Variants in ZBTB25 observed in about 807,000 individuals in gnomAD.
The protein encoded by ZBTB25 is zinc finger and BTB domain containing 25, also known as zinc finger and BTB domain-containing protein 25.
Under a neutral mutation model 34.2 loss-of-function variants are expected in ZBTB25, and 20 were observed. That is an observed-to-expected ratio of 0.58 (90% CI 0.41 to 0.85). The LOEUF is 0.85. ZBTB25 is among the 40% of genes least tolerant of loss of function. The pLI is 0.00. For missense variants in ZBTB25, 437 were observed against 521.8 expected, an observed-to-expected ratio of 0.84 and a Z score of 1.58; for synonymous variants, 175 against 186.4, an observed-to-expected ratio of 0.94 and a Z score of 0.50.
chr14:64,469,787 C>A, intron 2 of ZBTB25: 1 of 821,488 alleles, frequency 1.2e-6, no homozygotes, highest in Non-Finnish European at 1.9e-6. Flanking sequence ...ATCTCTAGAA[C>A]TTAAAAGGTA....
At chr14:64,449,224 C>T (rs748311213) in exon 3 of ZBTB25, 20 of 607,308 alleles carry the variant, frequency 3.3e-5, no homozygotes, top group Admixed American at 5.0e-5. Context: ...TGTGATTATT[C>T]GCGTATTACC....
chr14:64,461,163 GGC>G (rs1280706114), intron 2 of ZBTB25: 2 of 151,930 alleles, frequency 1.3e-5, no homozygotes, highest in Non-Finnish European at 2.9e-5. Context: ...GCATCCCACT[GGC>G]GCCAGTGCTA....
At chr14:64,454,766 CTT>C (rs761494970) in intron 2 of ZBTB25, 1 of 1,613,996 alleles carries the variant, frequency 6.2e-7, no homozygotes, top group Non-Finnish European at 8.5e-7. Context: ...ACACACTTGT[CTT>C]TGTCTCACAA....
Position 64,486,330 on chromosome 14 carries a change from A to G in ZBTB25, c.*593T>C. Reference sequence around the variant, plus strand: ...AAAAAAAAGAGGTATACTCAATGTTAAAAAGTAAAGAGAAGCCATGTAGGT... The same window carrying G: ...AAAAAAAAGAGGTATACTCAATGTTGAAAAGTAAAGAGAAGCCATGTAGGT... On this transcript the variant is annotated 3_prime_UTR_variant, in exon 3 of 3. Transcript: ENST00000608382. 1 of 985,368 alleles carries G rather than the reference A, an allele frequency of 1.0e-6. No homozygotes were observed. The highest frequency in any genetic ancestry group is 1.2e-6 in the Non-Finnish European group (1 of 829,860). The allele number at this position is 985,368 out of a possible 1,614,324, so 61.0% of individuals were successfully genotyped here. A position where few individuals can be genotyped will look rare whatever the true frequency, so the allele number is the denominator to read the frequency against.
At chr14:64,468,897 C>T in intron 2 of ZBTB25, 2 of 1,614,138 alleles carry the variant, frequency 1.2e-6, no homozygotes, top group South Asian at 1.1e-5. Context: ...ACACAGACCC[C>T]ATTGAATGAT....
chr14:64,477,864 T>C (rs182341733), downstream of ZBTB25, among the ~76,000 whole-genome samples: 17 of 152,356 alleles, frequency 1.1e-4, no homozygotes, highest in African/African-American at 3.6e-4. Context: ...CGGAACCTCC[T>C]GAAACTTGTT....
In ZBTB25 at chr14:64,485,110, C is replaced by T; in HGVS notation, c.*1813G>A. ...TATCCAGTAGCTTTCTTCATTCAAT[C>T]CTCAAGAAAAACTTACCACTTTGTA... On this transcript the variant is annotated 3_prime_UTR_variant, in exon 3 of 3. Coordinates refer to ENST00000608382, the MANE Select transcript of ZBTB25 (RefSeq NM_006977.5). 9 of 985,420 alleles carry T rather than the reference C, an allele frequency of 9.1e-6. No homozygotes were observed. The highest frequency in any genetic ancestry group is 1.1e-5 in the Non-Finnish European group (9 of 829,930). The allele number at this position is 985,420 out of a possible 1,614,324, so 61.0% of individuals were successfully genotyped here.
downstream of ZBTB25, among the ~76,000 whole-genome samples, chr14:64,477,477 C>A (rs1007157499): frequency 6.6e-6 from 1 of 152,170 alleles, no homozygotes; most frequent in African/African-American, 2.4e-5. Context: ...GCTCACACCA[C>A]CAGACAGCAC....
At chr14:64,496,946 C>A (rs1277165836) in intron 1 of ZBTB25, among the ~76,000 whole-genome samples, 2 of 152,082 alleles carry the variant, frequency 1.3e-5, no homozygotes, top group Non-Finnish European at 2.9e-5. Context: ...GCTGAGAAAC[C>A]ACAGGCTCAG....
intron 1 of ZBTB25, among the ~76,000 whole-genome samples, chr14:64,500,207 G>T (rs916735312): frequency 1.3e-5 from 2 of 152,052 alleles, no homozygotes; most frequent in African/African-American, 2.4e-5. Context: ...TACAGACCTA[G>T]AATACAGTAC....
At chr14:64,474,955 C>A (rs753146090), downstream of ZBTB25, among the ~76,000 whole-genome samples, 112 of 152,298 alleles carry the variant, frequency 7.4e-4, no homozygotes, top group Non-Finnish European at 1.4e-3. Flanking sequence ...AACACTCTAT[C>A]TTTTCGTAAC....
intron 2 of ZBTB25, chr14:64,463,261 TATG>T (rs1434043448): frequency 2.1e-5 from 2 of 93,424 alleles, no homozygotes; most frequent in Non-Finnish European, 5.1e-5. Context: ...CACACACACA[TATG>T]GCATTGAGTT....
chr14:64,459,181 C>G (rs2078523321), intron 2 of ZBTB25, among the ~76,000 whole-genome samples: 1 of 152,178 alleles, frequency 6.6e-6, no homozygotes, highest in African/African-American at 2.4e-5. Flanking sequence ...CCCCACATCT[C>G]TTCCTAAGAA....
At chr14:64,498,239 TTGA>T (rs2079347843) in intron 1 of ZBTB25, among the ~76,000 whole-genome samples, 2 of 152,192 alleles carry the variant, frequency 1.3e-5, no homozygotes, top group African/African-American at 2.4e-5. Flanking sequence ...CAGAGCTGTA[TTGA>T]TGTCTGAGTC....
chr14:64,479,419 G>C lies in ZBTB25; in HGVS notation c.*7504C>G, dbSNP rs919423846. 2.0e-5 allele frequency: 3 copies of C among 152,090 alleles called. No homozygotes were observed. Among genetic ancestry groups the C allele is most frequent in the Non-Finnish European group, 2.9e-5 (2 of 68,046 alleles). 9.4% of individuals were successfully genotyped at this position (152,090 alleles called of 1,614,324 possible). Reference sequence around the variant, plus strand: ...ACATCGTCAAATGTCTCTATGGGGGGGGATAGCCCTGTGTAATGTTTAATT... The same window carrying C: ...ACATCGTCAAATGTCTCTATGGGGGCGGATAGCCCTGTGTAATGTTTAATT... On this transcript the variant is annotated 3_prime_UTR_variant, in exon 3 of 3. Coordinates refer to ENST00000608382, the MANE Select transcript of ZBTB25 (RefSeq NM_006977.5).
intron 2 of ZBTB25, among the ~76,000 whole-genome samples, chr14:64,489,770 G>A (rs1596622712): frequency 6.6e-6 from 1 of 151,370 alleles, no homozygotes; most frequent in African/African-American, 2.4e-5. Context: ...TCCTGACCTT[G>A]TGATCCGCCC....
rs1488325881 is a variant in ZBTB25, at chr14:64,479,853, G to A, written c.*7070C>T. The A allele has an allele frequency of 6.5e-6, 1 of 152,808 alleles. No homozygotes were observed. The highest frequency in any genetic ancestry group is 1.5e-5 in the Non-Finnish European group (1 of 68,626). 9.5% of individuals were successfully genotyped at this position (152,808 alleles called of 1,614,324 possible). A position where few individuals can be genotyped will look rare whatever the true frequency, so the allele number is the denominator to read the frequency against. ...CAACTGCAGATCTTGGGACTTCTCA[G>A]CCTCCATAATTACATGAACCTATTC... On this transcript the variant is annotated 3_prime_UTR_variant, in exon 3 of 3. Coordinates refer to ENST00000608382, the MANE Select transcript of ZBTB25 (RefSeq NM_006977.5).
Position 64,493,248 on chromosome 14 carries a change from C to T in ZBTB25, c.-7-2708G>A, listed in dbSNP as rs571375145. 1.2e-4 allele frequency among the ~76,000 whole-genome samples: 18 copies of T among 152,268 alleles called. No homozygotes were observed. The South Asian group carries it at 3.1e-3, about 26-fold the overall frequency. On this transcript the variant is annotated intron_variant, in intron 1 of 2. Coordinates refer to ENST00000608382, the MANE Select transcript of ZBTB25 (RefSeq NM_006977.5). ...TTACTCTGTGGGAGGGAGAACAGAGCGTGGTAGTTAAAGCTTGAACTAAAA... is the reference window on the plus strand; with the variant it reads ...TTACTCTGTGGGAGGGAGAACAGAGTGTGGTAGTTAAAGCTTGAACTAAAA...
At chr14:64,501,743 C>G (rs1242576195) in intron 1 of ZBTB25, among the ~76,000 whole-genome samples, 1 of 152,218 alleles carries the variant, frequency 6.6e-6, no homozygotes, top group Non-Finnish European at 1.5e-5. Context: ...CAGCACAGCC[C>G]TGGCCAGGAT....
Sources: allele counts gnomAD v4.1 joint callset (sites outside exome capture counted in the v4.1 genomes callset), GRCh38; gene constraint gnomAD v4.1.1; transcripts MANE v1.5; gene names NCBI Gene and HGNC (gene_info 2026-07-23, HGNC 2026-07-21).